Variants in HDAC3 observed in about 807,000 individuals in gnomAD.
HDAC3 encodes SMAP45.
Under a neutral mutation model 62.3 loss-of-function variants are expected in HDAC3, and 21 were observed. The ratio of observed to expected loss-of-function variants is 0.34; its 90% confidence interval spans 0.24 to 0.49. The LOEUF is 0.49. Ranked by LOEUF, HDAC3 falls within the 20% of genes least tolerant of loss-of-function variation. The pLI is 0.99. For missense variants in HDAC3, 270 were observed against 556.9 expected, an observed-to-expected ratio of 0.48 and a Z score of 5.19; for synonymous variants, 198 against 206.5, an observed-to-expected ratio of 0.96 and a Z score of 0.35.
chr5:141,625,675 A>T lies in HDAC3; in HGVS notation c.1059+10T>A, dbSNP rs1562365849. On this transcript the variant is annotated intron_variant, in intron 13 of 14. Coordinates refer to ENST00000305264, the MANE Select transcript of HDAC3 (RefSeq NM_003883.4). The surrounding 1 kb of genome is among the most constrained non-coding windows in gnomAD (Gnocchi z 4.0). ...GAGAAGTTTGTGCTCAGCTTTTCTG[A>T]GCTGCTGACCTGGCGTGAGTTCTGA... is the stretch of plus-strand genomic sequence containing the variant. The T allele has an allele frequency of 6.2e-7, 1 of 1,613,510 alleles. No individual in the cohort carries two copies. Among genetic ancestry groups the T allele is most frequent in the African/African-American group, 1.3e-5 (1 of 74,962 alleles).
rs150727182 is a variant in HDAC3 at position 141,622,741 on chromosome 5, C to T, written c.1218-1204G>A. 2.0e-4 allele frequency among the ~76,000 whole-genome samples: 30 copies of T among 152,330 alleles called. No individual in the cohort carries two copies. In the East Asian group the frequency reaches 5.8e-3, roughly 29 times the overall value. ...AATGTCTCAGTTACTTCTAAGTGCA[C>T]AGGGTTAAAGGTGTGGAGTCAGAGA... is the stretch of plus-strand genomic sequence containing the variant. On this transcript the variant is annotated intron_variant, in intron 14 of 14. Transcript: ENST00000305264.
Position 141,628,082 on chromosome 5 carries a change from G to C in HDAC3, c.765+32C>G, listed in dbSNP as rs755773144. ...TGCTCTCTTTCCCCAAGCCCAGGCA[G>C]AACACTCCTGAGGAGGAACTGACAG... On this transcript the variant is annotated intron_variant, in intron 9 of 14. Coordinates refer to ENST00000305264, the MANE Select transcript of HDAC3 (RefSeq NM_003883.4). The surrounding 1 kb of genome is among the most constrained non-coding windows in gnomAD (Gnocchi z 4.7). 24 of 1,609,310 alleles carry C rather than the reference G, an allele frequency of 1.5e-5. No individual in the cohort carries two copies. The highest frequency in any genetic ancestry group is 2.0e-5 in the Non-Finnish European group (23 of 1,175,622).
At position 141,625,191 on chromosome 5, in the gene HDAC3, A is replaced by G. The variant is rs1311978726; in HGVS notation, c.1217+17T>C. On this transcript the variant is annotated intron_variant, in intron 14 of 14. Coordinates refer to ENST00000305264, the MANE Select transcript of HDAC3 (RefSeq NM_003883.4). The surrounding 1 kb of genome is among the most constrained non-coding windows in gnomAD (Gnocchi z 4.0). ...AGCAAGCCTATTGAAAGTAGGCTGA[A>G]GTCCCTGCTCCCAGACCTGCTATAG... The G allele has an allele frequency of 1.3e-6, 2 of 1,585,852 alleles. No homozygotes were observed. The highest frequency in any genetic ancestry group is 1.7e-6 in the Non-Finnish European group (2 of 1,170,900).
At chr5:141,624,231 G>C (rs893209883) in intron 14 of HDAC3, among the ~76,000 whole-genome samples, 2 of 151,158 alleles carry the variant, frequency 1.3e-5, no homozygotes, top group Non-Finnish European at 2.9e-5. Context: ...ACGGCAATTT[G>C]GCAGCAAATA....
Position 141,625,154 on chromosome 5 carries a change from T to G in HDAC3, c.1217+54A>C. On this transcript the variant is annotated intron_variant, in intron 14 of 14. Coordinates refer to ENST00000305264, the MANE Select transcript of HDAC3 (RefSeq NM_003883.4). This position sits in a 1 kb window ranked among gnomAD's most constrained non-coding sequence, Gnocchi z 4.0. The stretch of plus-strand genomic sequence containing the variant: ...TACCTTCCCATTTACTTTTTCCCTT[T>G]TAAACCTCCCCAGCAAGCCTATTGA... 1 of 1,533,330 alleles carries G rather than the reference T, an allele frequency of 6.5e-7. No homozygotes were observed. Among genetic ancestry groups the G allele is most frequent in the South Asian group, 1.3e-5 (1 of 79,434 alleles). 95.0% of individuals were successfully genotyped at this position (1,533,330 alleles called of 1,614,324 possible). A position where few individuals can be genotyped will look rare whatever the true frequency, so the allele number is the denominator to read the frequency against.
At chr5:141,627,499 C>T (rs1453711965) in intron 10 of HDAC3, among the ~76,000 whole-genome samples, 5 of 152,226 alleles carry the variant, frequency 3.3e-5, no homozygotes, top group Admixed American at 3.3e-4. Flanking sequence ...GAAAAACTTT[C>T]CGAAACCATG....
chr5:141,625,507 C>T lies in HDAC3; in HGVS notation c.1060-142G>A. On this transcript the variant is annotated intron_variant, in intron 13 of 14. Coordinates refer to ENST00000305264, the MANE Select transcript of HDAC3 (RefSeq NM_003883.4). This position sits in a 1 kb window ranked among gnomAD's most constrained non-coding sequence, Gnocchi z 4.0. ...TCAGGTCCCCCAACTGATAGCTCTC[C>T]CTCCCCACCAACCCCAACTGCCTCT... 1.8e-6 allele frequency: 2 copies of T among 1,113,526 alleles called. No individual in the cohort carries two copies. Among genetic ancestry groups the T allele is most frequent in the Non-Finnish European group, 2.7e-6 (2 of 747,306 alleles). The allele number at this position is 1,113,526 out of a possible 1,614,324, so 69.0% of individuals were successfully genotyped here.
Position 141,631,070 on chromosome 5 carries a change from T to C in HDAC3, c.282-945A>G, listed in dbSNP as rs548594434. Among the ~76,000 whole-genome samples, 8 of 152,046 alleles carry C rather than the reference T, an allele frequency of 5.3e-5. No individual in the cohort carries two copies. In the South Asian group the frequency reaches 6.2e-4, roughly 12 times the overall value. On this transcript the variant is annotated intron_variant, in intron 3 of 14. Coordinates refer to ENST00000305264, the MANE Select transcript of HDAC3 (RefSeq NM_003883.4). ...TTTTACTGTATGCAAGTTATACCTA[T>C]ATAAACCTGACTTTTTAAAAAGGAA...
Position 141,628,472 on chromosome 5 carries a change from C to T in HDAC3, c.691+87G>A. On this transcript the variant is annotated intron_variant, in intron 8 of 14. Coordinates refer to ENST00000305264, the MANE Select transcript of HDAC3 (RefSeq NM_003883.4). The surrounding 1 kb of genome is among the most constrained non-coding windows in gnomAD (Gnocchi z 4.7). The stretch of plus-strand genomic sequence containing the variant: ...CATTCATCCTTAAGGACAACTGGCC[C>T]AACAGCAGACAATACCAGGCAGAAG... The T allele has an allele frequency of 9.0e-7, 1 of 1,108,994 alleles. No individual in the cohort carries two copies. Among genetic ancestry groups the T allele is most frequent in the South Asian group, 1.3e-5 (1 of 79,368 alleles). 68.7% of individuals were successfully genotyped at this position (1,108,994 alleles called of 1,614,324 possible). A position where few individuals can be genotyped will look rare whatever the true frequency, so the allele number is the denominator to read the frequency against.
chr5:141,629,552 A>T lies in HDAC3; in HGVS notation c.476+132T>A. 2 of 981,156 alleles carry T rather than the reference A, an allele frequency of 2.0e-6. No individual in the cohort carries two copies. The highest frequency in any genetic ancestry group is 3.1e-6 in the Non-Finnish European group (2 of 638,938). 60.8% of individuals were successfully genotyped at this position (981,156 alleles called of 1,614,324 possible). ...GGGAATCTGCAGCAGTGGAAGAGGC[A>T]GCCTGAATAAAGCATCAAGAACTTG... On this transcript the variant is annotated intron_variant, in intron 6 of 14. Transcript: ENST00000305264. The surrounding 1 kb of genome is among the most constrained non-coding windows in gnomAD (Gnocchi z 5.3).
rs1212376320 is a variant in HDAC3, at chr5:141,621,169, CAGGGAAGA to C, written c.*291_*298del. 6 of 338,308 alleles carry C rather than the reference CAGGGAAGA, an allele frequency of 1.8e-5. No homozygotes were observed. The highest frequency in any genetic ancestry group is 1.0e-4 in the Admixed American group (2 of 19,714). 21.0% of individuals were successfully genotyped at this position (338,308 alleles called of 1,614,324 possible). ...CAAAAATCTCTGGGTTCGAGGGAAGCAGGGAAGAAATAAGGGGCAAGGGGGGCTAGGGA... is the reference window on the plus strand; with the variant it reads ...CAAAAATCTCTGGGTTCGAGGGAAGCAATAAGGGGCAAGGGGGGCTAGGGA... On this transcript the variant is annotated 3_prime_UTR_variant, in exon 15 of 15. Transcript: ENST00000305264.
chr5:141,625,829 T>C lies in HDAC3; in HGVS notation c.980-65A>G. On this transcript the variant is annotated intron_variant, in intron 12 of 14. Coordinates refer to ENST00000305264, the MANE Select transcript of HDAC3 (RefSeq NM_003883.4). This position sits in a 1 kb window ranked among gnomAD's most constrained non-coding sequence, Gnocchi z 4.0. The stretch of plus-strand genomic sequence containing the variant: ...AGGCAGCTAACAAGACTTCCCAATC[T>C]TTTTCCTTCCCATCCAGAGCACCTA... 6.7e-7 allele frequency: 1 copy of C among 1,494,064 alleles called. No individual in the cohort carries two copies. The highest frequency in any genetic ancestry group is 9.3e-7 in the Non-Finnish European group (1 of 1,071,014). The allele number at this position is 1,494,064 out of a possible 1,614,324, so 92.6% of individuals were successfully genotyped here. A position where few individuals can be genotyped will look rare whatever the true frequency, so the allele number is the denominator to read the frequency against.
In HDAC3 at chr5:141,628,498, A is replaced by G; in HGVS notation, c.691+61T>C. ...AACAGCAGACAATACCAGGCAGAAG[A>G]GGTTATTTCAAGGAGAAAAAGAAGG... On this transcript the variant is annotated intron_variant, in intron 8 of 14. Coordinates refer to ENST00000305264, the MANE Select transcript of HDAC3 (RefSeq NM_003883.4). This position sits in a 1 kb window ranked among gnomAD's most constrained non-coding sequence, Gnocchi z 4.7. 7.6e-7 allele frequency: 1 copy of G among 1,322,628 alleles called. No homozygotes were observed. The highest frequency in any genetic ancestry group is 2.3e-5 in the East Asian group (1 of 43,590). 81.9% of individuals were successfully genotyped at this position (1,322,628 alleles called of 1,614,324 possible).
In HDAC3 at chr5:141,636,809, C is replaced by G. The variant is rs372091597; in HGVS notation, c.-19G>C. 5.2e-6 allele frequency: 8 copies of G among 1,529,670 alleles called. No individual in the cohort carries two copies. Among genetic ancestry groups the G allele is most frequent in the Middle Eastern group, 3.5e-4 (2 of 5,732 alleles). The allele number at this position is 1,529,670 out of a possible 1,614,324, so 94.8% of individuals were successfully genotyped here. A position where few individuals can be genotyped will look rare whatever the true frequency, so the allele number is the denominator to read the frequency against. On this transcript the variant is annotated 5_prime_UTR_variant, in exon 1 of 15. Transcript: ENST00000305264. ...TGGCCATGGTGCCGGCGGGAGCAGG[C>G]CCCGCACCTCCGCCGCCCGCCGCCC...
rs756419557 is a variant in HDAC3 at position 141,626,003 on chromosome 5, TG to T, written c.979+9del. 11 of 1,609,920 alleles carry T rather than the reference TG, an allele frequency of 6.8e-6. No individual in the cohort carries two copies. The East Asian group carries it at 1.6e-4, about 23-fold the overall frequency. On this transcript the variant is annotated intron_variant, in intron 12 of 14. Transcript: ENST00000305264. This position sits in a 1 kb window ranked among gnomAD's most constrained non-coding sequence, Gnocchi z 4.6. ...TTCCTGTTATGGGGGTGTTGTGGGGTGGTCCTTACCACTATAGGGAAGCTCC... is the reference window on the plus strand; with the variant it reads ...TTCCTGTTATGGGGGTGTTGTGGGGTGTCCTTACCACTATAGGGAAGCTCC...
At chr5:141,627,871 G>A (rs2154597856) in intron 10 of HDAC3, 22 bp downstream of exon 10, 1 of 1,613,166 alleles carries the variant, frequency 6.2e-7, no homozygotes. Flanking sequence ...ACCTTGGGGA[G>A]AAGAAGGAGA....
chr5:141,627,787 T>C, intron 10 of HDAC3, 106 bp downstream of exon 10: 2 of 920,998 alleles, frequency 2.2e-6, no homozygotes, highest in Admixed American at 1.9e-5. Context: ...TAGCTATTTT[T>C]GATTTCCAAG....
Position 141,625,017 on chromosome 5 carries a change from G to T in HDAC3, c.1217+191C>A. The T allele has an allele frequency of 1.7e-6, 1 of 590,400 alleles. No homozygotes were observed. The highest frequency in any genetic ancestry group is 2.9e-6 in the Non-Finnish European group (1 of 344,146). 36.6% of individuals were successfully genotyped at this position (590,400 alleles called of 1,614,324 possible). ...AACGCCAACACCATATTTTGGTGCT[G>T]TTTTAAAATTTTGCAATAAATACGT... On this transcript the variant is annotated intron_variant, in intron 14 of 14. Transcript: ENST00000305264. The surrounding 1 kb of genome is among the most constrained non-coding windows in gnomAD (Gnocchi z 4.0).
rs1483618133 is a variant in HDAC3 at position 141,630,037 on chromosome 5, A to G, written c.363+7T>C. On this transcript the variant is annotated splice_region_variant and intron_variant, in intron 4 of 14. Coordinates refer to ENST00000305264, the MANE Select transcript of HDAC3 (RefSeq NM_003883.4). ...GAAAGGAAGAACAGGACTCGGGACT[A>G]TGTCACCTTGTTGTTCAGCTGGGTT... 1.9e-6 allele frequency: 3 copies of G among 1,614,168 alleles called. No individual in the cohort carries two copies. Among genetic ancestry groups the G allele is most frequent in the Non-Finnish European group, 2.5e-6 (3 of 1,179,992 alleles).
Sources: allele counts gnomAD v4.1 joint callset (sites outside exome capture counted in the v4.1 genomes callset), GRCh38; gene constraint gnomAD v4.1.1; non-coding constraint Gnocchi (gnomAD v3.1); transcripts MANE v1.5; gene names NCBI Gene and HGNC (gene_info 2026-07-23, HGNC 2026-07-21).